Variants in RAD18 observed in about 807,000 individuals in gnomAD.
The protein encoded by RAD18 is E3 ubiquitin-protein ligase RAD18.
In RAD18, 47 loss-of-function variants were observed where a neutral mutation model predicts 60.4. The ratio of observed to expected loss-of-function variants is 0.78; its 90% CI spans 0.62 to 0.99. RAD18 has a LOEUF of 0.99. Ranked by LOEUF, RAD18 falls within the 50% of genes least tolerant of loss-of-function variation. The pLI is 0.00. For synonymous variants in RAD18, 225 were observed against 195.5 expected (o/e 1.15, Z -1.26); for missense variants, 640 against 593.3 (o/e 1.08, Z -0.82).
At chr3:8,936,158 ATAG>A (rs1940650026) in intron 6 of RAD18, 103 bp from the exon 7 acceptor site, 1 of 1,120,664 alleles carries the variant, frequency 8.9e-7, no homozygotes, top group African/African-American at 1.6e-5. Flanking sequence ...GACCGGGAAA[ATAG>A]TAGAACCATT....
intron 7 of RAD18, among the ~76,000 whole-genome samples, chr3:8,918,774 G>C (rs1160728268): frequency 1.3e-5 from 2 of 152,228 alleles, no homozygotes; most frequent in Non-Finnish European, 2.9e-5. Flanking sequence ...AAACACTGCT[G>C]ATGCTCCCTG....
intron 7 of RAD18, among the ~76,000 whole-genome samples, chr3:8,915,261 C>G (rs945211066): frequency 1.3e-5 from 2 of 151,780 alleles, no homozygotes; most frequent in Non-Finnish European, 2.9e-5. Context: ...TAAATAATGT[C>G]ACTCTCACCC....
At chr3:8,957,382 A>G (rs1941031958) in intron 2 of RAD18, among the ~76,000 whole-genome samples, 1 of 152,218 alleles carries the variant, frequency 6.6e-6, no homozygotes, top group Admixed American at 6.5e-5. Flanking sequence ...ACGAAGAAAA[A>G]AAAGTTGGAG....
At chr3:8,945,724 C>T (rs1465459580) in intron 4 of RAD18, among the ~76,000 whole-genome samples, 1 of 152,032 alleles carries the variant, frequency 6.6e-6, no homozygotes, top group Non-Finnish European at 1.5e-5. Context: ...CCCACCTCGG[C>T]CTCCGAAAGT....
At chr3:8,936,906 G>A (rs748689511) in intron 6 of RAD18, among the ~76,000 whole-genome samples, 1 of 151,808 alleles carries the variant, frequency 6.6e-6, no homozygotes, top group Non-Finnish European at 1.5e-5. Flanking sequence ...TGATATAAAC[G>A]GTCCAATAAT....
chr3:8,886,859 G>C (rs928792702), intron 12 of RAD18, among the ~76,000 whole-genome samples: 2 of 152,214 alleles, frequency 1.3e-5, no homozygotes, highest in African/African-American at 4.8e-5. Context: ...CCACAGTTGT[G>C]GGGTAGGGAA....
intron 11 of RAD18, among the ~76,000 whole-genome samples, chr3:8,896,807 A>T (rs758934951): frequency 6.6e-6 from 1 of 152,218 alleles, no homozygotes; most frequent in Non-Finnish European, 1.5e-5. Flanking sequence ...ATGCCACAGA[A>T]ATACTATCAT....
chr3:8,910,588 G>A (rs760894424), intron 9 of RAD18, among the ~76,000 whole-genome samples: 16 of 149,942 alleles, frequency 1.1e-4, no homozygotes, highest in Non-Finnish European at 1.8e-4. Context: ...TGGACAGAGC[G>A]AGCCTCCATC....
rs564596634 is a variant in RAD18 at position 8,919,257 on chromosome 3, C to G, written c.890-5537G>C. ...ATGCTAAACTTAAACAAGATGACTT[C>G]CTGCTAAATTAGAATATTTAAATAG... is the stretch of plus-strand genomic sequence containing the variant. On this transcript the variant is annotated intron_variant, in intron 7 of 12. Coordinates refer to ENST00000264926, the MANE Select transcript of RAD18 (RefSeq NM_020165.4). Among the ~76,000 whole-genome samples the G allele has an allele frequency of 1.1e-4, 17 of 152,146 alleles. No homozygotes were observed. The South Asian group carries it at 3.5e-3, about 32-fold the overall frequency.
intron 7 of RAD18, among the ~76,000 whole-genome samples, chr3:8,920,921 A>G (rs1940307757): frequency 6.6e-6 from 1 of 152,258 alleles, no homozygotes; most frequent in Admixed American, 6.5e-5. Context: ...TGGGTCCACT[A>G]ACAAAACTGG....
chr3:8,932,486 G>A (rs941139947), intron 7 of RAD18, among the ~76,000 whole-genome samples: 3 of 152,096 alleles, frequency 2.0e-5, no homozygotes, highest in Non-Finnish European at 4.4e-5. Context: ...GACTAGAATG[G>A]CTAAAATTAA....
intron 7 of RAD18, among the ~76,000 whole-genome samples, chr3:8,918,644 A>G (rs978547791): frequency 2.0e-5 from 3 of 152,068 alleles, no homozygotes; most frequent in African/African-American, 7.3e-5. Flanking sequence ...TGCTCTGGAG[A>G]AGTCCAGAGC....
intron 12 of RAD18, among the ~76,000 whole-genome samples, chr3:8,883,033 A>G (rs1939497921): frequency 6.6e-6 from 1 of 152,246 alleles, no homozygotes; most frequent in African/African-American, 2.4e-5. Flanking sequence ...AAAGTTGATA[A>G]AAAGACTTAG....
At chr3:8,896,853 T>C (rs1444875889) in intron 11 of RAD18, among the ~76,000 whole-genome samples, 1 of 152,086 alleles carries the variant, frequency 6.6e-6, no homozygotes, top group Admixed American at 6.5e-5. Flanking sequence ...TTAGGAAACA[T>C]TGTATTAAAG....
intron 2 of RAD18, among the ~76,000 whole-genome samples, chr3:8,953,562 T>C (rs1239861570): frequency 6.6e-6 from 1 of 152,208 alleles, no homozygotes; most frequent in Admixed American, 6.5e-5. Context: ...TGAAGAGTTT[T>C]GAATTCATGT....
intron 12 of RAD18, among the ~76,000 whole-genome samples, chr3:8,885,428 T>G (rs1939542418): frequency 6.6e-6 from 1 of 152,248 alleles, no homozygotes; most frequent in Non-Finnish European, 1.5e-5. Context: ...CTTTTCCGAT[T>G]TTATAAGATT....
intron 2 of RAD18, among the ~76,000 whole-genome samples, chr3:8,950,867 G>A (rs1392458381): frequency 6.6e-6 from 1 of 152,160 alleles, no homozygotes; most frequent in Non-Finnish European, 1.5e-5. Context: ...AAAAAGAACC[G>A]CTATAACAGA....
At chr3:8,951,154 C>T (rs1474027018) in intron 2 of RAD18, among the ~76,000 whole-genome samples, 6 of 152,110 alleles carry the variant, frequency 3.9e-5, no homozygotes, top group African/African-American at 7.2e-5. Flanking sequence ...CCTGGAAGAT[C>T]GGAGAACACT....
chr3:8,961,646 G>A (rs1486907569), intron 1 of RAD18, among the ~76,000 whole-genome samples: 23 of 152,270 alleles, frequency 1.5e-4, no homozygotes, highest in Non-Finnish European at 4.4e-5. Flanking sequence ...TGGCAGATGT[G>A]TTATAAAGGA....
Sources: gnomAD v4.1 joint callset for allele counts (sites outside exome capture counted in the v4.1 genomes callset) on GRCh38, gnomAD v4.1.1 for gene constraint, MANE v1.5 for transcripts, NCBI Gene and HGNC (gene_info 2026-07-23, HGNC 2026-07-21) for gene names.